CCDC92: variants seen among roughly 807,000 people sequenced by gnomAD.
The protein encoded by CCDC92 is coiled-coil domain containing 92.
CCDC92 carries 12 observed loss-of-function variants against 24.9 expected under a neutral mutation model. The ratio of observed to expected loss-of-function variants is 0.48; its 90% CI spans 0.31 to 0.78. CCDC92 has a LOEUF of 0.78. Ranked by LOEUF, CCDC92 falls within the 30% of genes least tolerant of loss-of-function variation. CCDC92 has a pLI of 0.05. For missense variants in CCDC92, 399 were observed against 439.4 expected (o/e 0.91, Z 0.82); for synonymous variants, 193 against 196.3 (o/e 0.98, Z 0.14).
In CCDC92 at chr12:123,937,499, C is replaced by T; in HGVS notation, c.555G>A (p.Val185=). 6.2e-7 allele frequency: 1 copy of T among 1,612,648 alleles called. No individual in the cohort carries two copies. The highest frequency in any genetic ancestry group is 8.5e-7 in the Non-Finnish European group (1 of 1,180,012). Residue 185 remains valine (V), a synonymous_variant, in exon 5 of 5, where the codon GTG becomes GTA. Transcript: ENST00000238156. This position sits in a 1 kb window ranked among gnomAD's most constrained non-coding sequence, Gnocchi z 8.4. ...GGGGCGCTGGCTTGTAGCTGGCCAG[C>T]ACGGGGCTCCCTGACGGGCTGGCAT... ...TSDASPSGSP[V]LASYKPAPPK... is the part of the protein sequence containing the mutation.
In CCDC92 at chr12:123,937,128, G is replaced by T. The variant is rs371331413; in HGVS notation, c.926C>A (p.Thr309Asn). The change falls in exon 5 of 5, where the codon ACC becomes AAC. Residue 309 changes from threonine (T) to asparagine (N), a missense_variant. Coordinates refer to ENST00000238156, the MANE Select transcript of CCDC92 (RefSeq NM_025140.3). The surrounding 1 kb of genome is among the most constrained non-coding windows in gnomAD (Gnocchi z 8.4). Reference sequence around the variant, plus strand: ...TCCGTTCACCTGGTCGACCGCCAGGGTCTTCACCTCGGGCTGGGCCTGCGG... The same window carrying T: ...TCCGTTCACCTGGTCGACCGCCAGGTTCTTCACCTCGGGCTGGGCCTGCGG... ...TPPQAQPEVK[T>N]LAVDQVNGGK... 6.2e-6 allele frequency: 10 copies of T among 1,613,390 alleles called. No homozygotes were observed. The highest frequency in any genetic ancestry group is 8.5e-7 in the Non-Finnish European group (1 of 1,180,032).
chr12:123,966,542 T>C (rs1283242905), intron 1 of CCDC92: 1 of 152,210 alleles, frequency 6.6e-6, no homozygotes, highest in Non-Finnish European at 1.5e-5. Flanking sequence ...AGTCCAAACA[T>C]CACTTCAACC....
intron 1 of CCDC92, among the ~76,000 whole-genome samples, chr12:123,960,436 C>A (rs756852002): frequency 3.3e-5 from 5 of 152,204 alleles, no homozygotes; most frequent in Non-Finnish European, 7.3e-5. Flanking sequence ...TTGCTCAGGA[C>A]TTCCTGGAGT....
chr12:123,945,841 T>A lies in CCDC92; in HGVS notation c.-59-1477A>T, dbSNP rs1955831095. ...GAGCCCATATGTTAGTGGCTTGCTGTCAAAGAGAAAGAACCATTTAAATGT... is the reference window on the plus strand; with the variant it reads ...GAGCCCATATGTTAGTGGCTTGCTGACAAAGAGAAAGAACCATTTAAATGT... On this transcript the variant is annotated intron_variant, in intron 1 of 4. Transcript: ENST00000238156. 2.6e-5 allele frequency: 4 copies of A among 152,210 alleles called. No individual in the cohort carries two copies. The South Asian group carries it at 8.3e-4, about 32-fold the overall frequency. 9.4% of individuals were successfully genotyped at this position (152,210 alleles called of 1,614,324 possible).
intron 4 of CCDC92, among the ~76,000 whole-genome samples, chr12:123,940,043 C>T (rs1955637714): frequency 1.3e-5 from 2 of 152,210 alleles, no homozygotes; most frequent in Non-Finnish European, 2.9e-5. Flanking sequence ...CTGTGAGCAT[C>T]CTGGGATTTT....
At position 123,954,824 on chromosome 12, in the gene CCDC92, G is replaced by A. The variant is rs953554789; in HGVS notation, c.-59-10460C>T. 1.8e-4 allele frequency among the ~76,000 whole-genome samples: 28 copies of A among 152,336 alleles called. No individual in the cohort carries two copies. The South Asian group carries it at 1.9e-3, about 10-fold the overall frequency. On this transcript the variant is annotated intron_variant, in intron 1 of 4. Coordinates refer to ENST00000238156, the MANE Select transcript of CCDC92 (RefSeq NM_025140.3). The stretch of plus-strand genomic sequence containing the variant: ...CTCATGGAAGTTTGGGTTCCTAACC[G>A]CCAGGAGGCCAGCGGGCGGCAGACC...
intron 1 of CCDC92, among the ~76,000 whole-genome samples, chr12:123,958,839 T>G (rs1443260726): frequency 1.3e-5 from 2 of 152,216 alleles, no homozygotes; most frequent in Non-Finnish European, 2.9e-5. Context: ...CTCTGCCCTT[T>G]TCAAGGAGGG....
intron 1 of CCDC92, among the ~76,000 whole-genome samples, chr12:123,960,355 G>A (rs751154975): frequency 2.6e-5 from 4 of 152,106 alleles, no homozygotes; most frequent in African/African-American, 4.8e-5. Flanking sequence ...GGGAAAGCTC[G>A]CAAATAAAAA....
chr12:123,966,191 C>T (rs1234427404), intron 1 of CCDC92: 1 of 152,152 alleles, frequency 6.6e-6, no homozygotes, highest in Non-Finnish European at 1.5e-5. Context: ...ACACATTCAT[C>T]AATGCCTTCA....
chr12:123,950,353 G>A (rs544862693), intron 1 of CCDC92, among the ~76,000 whole-genome samples: 8 of 152,190 alleles, frequency 5.3e-5, no homozygotes, highest in Admixed American at 4.6e-4. Flanking sequence ...AGCACTGCTC[G>A]CACGGAGGCT....
chr12:123,969,909 G>C (rs900396237), intron 1 of CCDC92: 1 of 151,962 alleles, frequency 6.6e-6, no homozygotes, highest in African/African-American at 2.4e-5. Context: ...TTTTCCTCTT[G>C]ATTCAATGTT....
intron 1 of CCDC92, chr12:123,968,487 T>A (rs1347136141): frequency 2.6e-5 from 4 of 152,216 alleles, no homozygotes; most frequent in Non-Finnish European, 5.9e-5. Context: ...TATCTGTGAT[T>A]TTTTTTCCTG....
rs1955780602 is a variant in CCDC92 at position 123,944,292 on chromosome 12, T to C, written c.14A>G (p.His5Arg). The stretch of plus-strand genomic sequence containing the variant: ...TCTACCTTCATCGTAACTCGAGAAA[T>C]GTGGTGAAGTCATGGGTCTTTCTGG... MTSP[H>R]FSSYDEGPLD... The change falls in exon 2 of 5, where the codon CAT becomes CGT. Residue 5 changes from histidine (H) to arginine (R), a missense_variant. Coordinates refer to ENST00000238156, the MANE Select transcript of CCDC92 (RefSeq NM_025140.3). The C allele has an allele frequency of 6.3e-7, 1 of 1,592,968 alleles. No individual in the cohort carries two copies. The highest frequency in any genetic ancestry group is 1.4e-5 in the African/African-American group (1 of 73,250).
chr12:123,970,163 C>G (rs569492738), intron 1 of CCDC92: 5 of 151,950 alleles, frequency 3.3e-5, no homozygotes, highest in African/African-American at 1.2e-4. Flanking sequence ...CATAAGAAAA[C>G]AAAAAACAAA....
intron 1 of CCDC92, among the ~76,000 whole-genome samples, chr12:123,964,363 C>G (rs544126183): frequency 7.0e-6 from 1 of 143,830 alleles, no homozygotes; most frequent in African/African-American, 2.6e-5. Flanking sequence ...CCTTTCATAT[C>G]TATTTTTGTG....
chr12:123,972,713 A>C lies in CCDC92; in HGVS notation c.-244T>G, dbSNP rs1594529514. 6 of 146,174 alleles carry C rather than the reference A, an allele frequency of 4.1e-5. No homozygotes were observed. The highest frequency in any genetic ancestry group is 3.4e-4 in the Admixed American group (5 of 14,834). 9.1% of individuals were successfully genotyped at this position (146,174 alleles called of 1,614,324 possible). On this transcript the variant is annotated 5_prime_UTR_variant, in exon 1 of 5. The change abolishes an upstream ATG in the 5' untranslated region. Transcript: ENST00000238156. ...TCAGTGGGCACCGCCCGCCCGGCGC[A>C]TCTCGCCCGCTCCCACCCCAGCGCT... is the stretch of plus-strand genomic sequence containing the variant.
intron 1 of CCDC92, chr12:123,945,614 C>A (rs990101866): frequency 6.6e-6 from 1 of 152,214 alleles, no homozygotes. Context: ...ATCCCAGGAG[C>A]GCCTGAGAGC....
intron 1 of CCDC92, chr12:123,968,443 C>G (rs1956443896): frequency 6.6e-6 from 1 of 152,142 alleles, no homozygotes; most frequent in African/African-American, 2.4e-5. Context: ...GCCTTATTTG[C>G]TAATTTGTTG....
intron 1 of CCDC92, among the ~76,000 whole-genome samples, chr12:123,947,072 C>T (rs1029337253): frequency 6.6e-6 from 1 of 152,194 alleles, no homozygotes; most frequent in South Asian, 2.1e-4. Context: ...CCAGCCCTGC[C>T]GGCCCCGGGC....
Sources: gnomAD v4.1 joint callset for allele counts (sites outside exome capture counted in the v4.1 genomes callset) on GRCh38, gnomAD v4.1.1 for gene constraint, Gnocchi (gnomAD v3.1) non-coding constraint, MANE v1.5 for transcripts, NCBI Gene and HGNC (gene_info 2026-07-23, HGNC 2026-07-21) for gene names.